Variants in WAPL observed in about 807,000 individuals in gnomAD.
WAPL encodes the protein WAPL cohesin release factor, also known as wings apart-like protein homolog.
A neutral mutation model predicts 121.0 loss-of-function variants in WAPL; 5 were observed. That is an observed-to-expected ratio of 0.04 (90% CI 0.02 to 0.09). The LOEUF (loss-of-function observed/expected upper bound fraction) is 0.09, where lower values mean the gene tolerates loss of function less well. WAPL is among the 10% of genes least tolerant of loss of function. The pLI is 1.00. For missense variants in WAPL, 999 were observed against 1,410.8 expected, an observed-to-expected ratio of 0.71 and a Z score of 4.68; for synonymous variants, 480 against 481.5, an observed-to-expected ratio of 1.00 and a Z score of 0.04.
chr10:86,505,300 C>CTTTTTTTTTTTTTTTTTTTTTTTTTTT lies in WAPL; in HGVS notation c.500-4558_500-4557insAAAAAAAAAAAAAAAAAAAAAAAAAAA, dbSNP rs531404303. 2.2e-4 allele frequency among the ~76,000 whole-genome samples: 10 copies of CTTTTTTTTTTTTTTTTTTTTTTTTTTT among 44,646 alleles called. 1 individual carries two copies. Among genetic ancestry groups the CTTTTTTTTTTTTTTTTTTTTTTTTTTT allele is most frequent in the East Asian group, 5.8e-4 (1 of 1,726 alleles). 29.3% of individuals were successfully genotyped at this position (44,646 alleles called of 152,430 possible). A position where few individuals can be genotyped will look rare whatever the true frequency, so the allele number is the denominator to read the frequency against. On this transcript the variant is annotated intron_variant, in intron 2 of 18. Transcript: ENST00000298767. Reference sequence around the variant, plus strand: ...CAAGCTTCAGCCACAGTGCCCAACTCTTTTTTTTTTTTTTTTTTTTTTTTT... The same window carrying CTTTTTTTTTTTTTTTTTTTTTTTTTTT: ...CAAGCTTCAGCCACAGTGCCCAACTCTTTTTTTTTTTTTTTTTTTTTTTTTTTTTTTTTTTTTTTTTTTTTTTTTTTT...
At chr10:86,490,433 A>T (rs1842022005) in intron 4 of WAPL, among the ~76,000 whole-genome samples, 1 of 152,212 alleles carries the variant, frequency 6.6e-6, no homozygotes, top group Non-Finnish European at 1.5e-5. Context: ...AATCAGGTCA[A>T]GTACATGTAC....
chr10:86,437,710 ACAAAT>A, intron 18 of WAPL, 102 bp from the exon 19 acceptor site: 1 of 1,274,264 alleles, frequency 7.8e-7, no homozygotes, highest in Non-Finnish European at 1.1e-6. Context: ...ACTGAACACT[ACAAAT>A]CAAAGTACAC....
At chr10:86,488,612 C>T (rs924681244) in intron 4 of WAPL, 2 of 152,218 alleles carry the variant, frequency 1.3e-5, no homozygotes, top group African/African-American at 2.4e-5. Context: ...CTTGAAGGAA[C>T]ATCCACCAAC....
At chr10:86,508,785 GTCTC>G (rs1482582930) in intron 2 of WAPL, among the ~76,000 whole-genome samples, 1 of 121,320 alleles carries the variant, frequency 8.2e-6, no homozygotes, top group Non-Finnish European at 1.6e-5. Flanking sequence ...TTGAGACAGA[GTCTC>G]TGTCACCCAG....
intron 2 of WAPL, among the ~76,000 whole-genome samples, chr10:86,511,506 G>C (rs911906638): frequency 2.0e-5 from 3 of 152,174 alleles, no homozygotes; most frequent in Admixed American, 6.5e-5. Flanking sequence ...CACTTTGGAT[G>C]TTTCCCAGAT....
At chr10:86,466,275 T>C (rs555472238) in intron 9 of WAPL, among the ~76,000 whole-genome samples, 4 of 152,296 alleles carry the variant, frequency 2.6e-5, no homozygotes, top group Admixed American at 6.5e-5. Flanking sequence ...TGCTTGCTCA[T>C]TGAAAAGGCA....
intron 10 of WAPL, 133 bp from the exon 11 acceptor site, chr10:86,460,629 C>A: frequency 1.5e-6 from 1 of 645,366 alleles, no homozygotes; most frequent in Non-Finnish European, 2.6e-6. Flanking sequence ...ATTTTTTATT[C>A]TAGGTTTCAT....
chr10:86,470,633 G>GT (rs1218790390), intron 8 of WAPL, among the ~76,000 whole-genome samples: 4 of 152,032 alleles, frequency 2.6e-5, no homozygotes, highest in Non-Finnish European at 5.9e-5. Flanking sequence ...TTCCAAACCA[G>GT]TTTTTTTCCA....
intron 11 of WAPL, among the ~76,000 whole-genome samples, chr10:86,459,734 A>C (rs1302683450): frequency 6.6e-6 from 1 of 152,254 alleles, no homozygotes; most frequent in African/African-American, 2.4e-5. Context: ...TGCTAATAAC[A>C]ATTTAAAAAT....
intron 1 of WAPL, among the ~76,000 whole-genome samples, chr10:86,518,621 C>G (rs1842606729): frequency 6.6e-6 from 1 of 152,120 alleles, no homozygotes; most frequent in African/African-American, 2.4e-5. Flanking sequence ...AGCAGAAGAA[C>G]CGCTTGAACT....
rs763596505 is a variant in WAPL, at chr10:86,517,605, T to C, written c.465A>G (p.Ala155=). Residue 155 remains alanine, a synonymous_variant, in exon 2 of 19, where the codon GCA becomes GCG. Coordinates refer to ENST00000298767, the MANE Select transcript of WAPL (RefSeq NM_015045.5). ...TTAATTTATTACAGCTACTTATGCT[T>C]GCATCATCTTCTACAATTCGGTTTG... is the stretch of plus-strand genomic sequence containing the variant. ...KSTNRIVEDD[A]SISSCNKLIT... 9.9e-6 allele frequency: 16 copies of C among 1,613,260 alleles called. No individual in the cohort carries two copies. Among genetic ancestry groups the C allele is most frequent in the Non-Finnish European group, 1.4e-5 (16 of 1,179,564 alleles).
chr10:86,480,286 C>T (rs1841753419), intron 4 of WAPL, among the ~76,000 whole-genome samples: 1 of 152,138 alleles, frequency 6.6e-6, no homozygotes, highest in Non-Finnish European at 1.5e-5. Flanking sequence ...GAACAATGCA[C>T]ACCACTACTG....
chr10:86,480,289 C>T lies in WAPL; in HGVS notation c.1645-6316G>A, dbSNP rs539796311. ...TATCTTCATGAAGAACAATGCACAC[C>T]ACTACTGTGAGTAGAACTTCAAAAG... On this transcript the variant is annotated intron_variant, in intron 4 of 18. Coordinates refer to ENST00000298767, the MANE Select transcript of WAPL (RefSeq NM_015045.5). Among the ~76,000 whole-genome samples the T allele has an allele frequency of 1.1e-4, 16 of 152,234 alleles. No homozygotes were observed. In the South Asian group the frequency reaches 3.3e-3, roughly 32 times the overall value.
intron 8 of WAPL, 110 bp from the exon 9 acceptor site, chr10:86,467,616 T>C (rs531173226): frequency 5.1e-6 from 4 of 785,110 alleles, no homozygotes; most frequent in East Asian, 5.5e-5. Context: ...TGCTTAAAAC[T>C]TATATTACTA....
At position 86,446,174 on chromosome 10, in the gene WAPL, A is replaced by C. The variant is rs181323974; in HGVS notation, c.3322+68T>G. ...ATTAAGACAATCTGCAAATTAAAAT[A>C]GTTTGAAGAAAAAAACAAAATCAAA... On this transcript the variant is annotated intron_variant, in intron 16 of 18. Coordinates refer to ENST00000298767, the MANE Select transcript of WAPL (RefSeq NM_015045.5). 2.9e-4 allele frequency: 454 copies of C among 1,539,592 alleles called. 2 individuals are homozygous for C. In the African/African-American group the frequency reaches 5.4e-3, roughly 18 times the overall value.
chr10:86,465,279 C>T (rs949563597), intron 9 of WAPL, among the ~76,000 whole-genome samples: 1 of 152,062 alleles, frequency 6.6e-6, no homozygotes, highest in East Asian at 1.9e-4. Flanking sequence ...CTGAAACCTC[C>T]GCCTCGCCTC....
At chr10:86,502,282 A>G (rs545208903) in intron 2 of WAPL, among the ~76,000 whole-genome samples, 1 of 152,344 alleles carries the variant, frequency 6.6e-6, no homozygotes, top group East Asian at 1.9e-4. Context: ...AGGCAGCTCT[A>G]CATTATGTAC....
intron 2 of WAPL, among the ~76,000 whole-genome samples, chr10:86,515,555 G>A (rs1842538971): frequency 6.6e-6 from 1 of 152,064 alleles, no homozygotes; most frequent in African/African-American, 2.4e-5. Context: ...GGCCTAGATA[G>A]GCAGATCACT....
intron 2 of WAPL, among the ~76,000 whole-genome samples, chr10:86,512,222 C>T (rs75610783): frequency 0.013 from 1,935 of 152,316 alleles, 24 homozygotes; most frequent in Non-Finnish European, 0.021. Flanking sequence ...AATCCAAGTT[C>T]AAAATCTCCT....
Sources: allele counts gnomAD v4.1 joint callset (sites outside exome capture counted in the v4.1 genomes callset), GRCh38; gene constraint gnomAD v4.1.1; transcripts MANE v1.5; gene names NCBI Gene and HGNC (gene_info 2026-07-23, HGNC 2026-07-21).